The following HEXB variants were observed in gnomAD, a reference collection of about 807,000 sequenced individuals.
HEXB encodes hexosaminidase subunit beta.
Under a neutral mutation model 71.2 loss-of-function variants are expected in HEXB, and 51 were observed. The observed-to-expected ratio is 0.72, with a 90% CI of 0.57 to 0.90. The LOEUF (loss-of-function observed/expected upper bound fraction) is 0.90. Ranked by LOEUF, HEXB falls within the 40% of genes least tolerant of loss-of-function variation. The pLI, the probability that HEXB is intolerant of heterozygous loss-of-function variation, is 0.00. For missense variants in HEXB, 617 were observed against 677.0 expected, an observed-to-expected ratio of 0.91 and a Z score of 0.98; for synonymous variants, 266 against 249.3, an observed-to-expected ratio of 1.07 and a Z score of -0.63.
chr5:74,685,383 G>C lies in HEXB; in HGVS notation c.123G>C (p.Glu41Asp). 1 of 1,592,066 alleles carries C rather than the reference G, an allele frequency of 6.3e-7. No homozygotes were observed. Among genetic ancestry groups the C allele is most frequent in the Non-Finnish European group, 8.5e-7 (1 of 1,171,098 alleles). Residue 41 changes from glutamate (E) to aspartate (D), a missense_variant, in exon 1 of 14, where the codon GAG (glutamate) becomes GAC (aspartate). Glu to Asp is a conservative substitution (Grantham distance 45). Coordinates refer to ENST00000261416, the MANE Select transcript of HEXB (RefSeq NM_000521.4). ...TGGCGCTGGTGGTGCAGGTGGCGGA[G>C]GCGGCTCGGGCCCCGAGCGTCTCGG... ...TQVALVVQVAEAARAPSVSAK... is the reference protein window; with the variant it reads ...TQVALVVQVADAARAPSVSAK...
intron 1 of HEXB, among the ~76,000 whole-genome samples, chr5:74,647,115 T>C (rs1748016378): frequency 6.6e-6 from 1 of 152,212 alleles, no homozygotes; most frequent in Non-Finnish European, 1.5e-5. Flanking sequence ...GGTGTGGCTT[T>C]GCACAACCCA....
chr5:74,680,876 T>A (rs183646659), upstream of HEXB, among the ~76,000 whole-genome samples: 1 of 152,334 alleles, frequency 6.6e-6, no homozygotes, highest in East Asian at 1.9e-4. Context: ...TGGTGTTACA[T>A]GTTTAGAAAG....
chr5:74,720,266 C>A, intron 11 of HEXB, 162 bp from the exon 12 acceptor site: 1 of 661,658 alleles, frequency 1.5e-6, no homozygotes, highest in South Asian at 1.7e-5. Context: ...GAGGAGGGGC[C>A]ATCTTTTTTG....
chr5:74,659,459 G>C (rs1345623570), intron 1 of HEXB, among the ~76,000 whole-genome samples: 1 of 152,174 alleles, frequency 6.6e-6, no homozygotes, highest in African/African-American at 2.4e-5. Context: ...TGATAGCGGG[G>C]AAGCCACAGG....
At chr5:74,664,041 AGGTCAGGAGTTTGTGACCAG>A (rs758318481) in intron 1 of HEXB, among the ~76,000 whole-genome samples, 11 of 152,118 alleles carry the variant, frequency 7.2e-5, no homozygotes, top group Non-Finnish European at 1.3e-4. Context: ...GGATCACCTG[AGGTCAGGAGTTTGTGACCAG>A]GCTGACTAAC....
intron 1 of HEXB, among the ~76,000 whole-genome samples, chr5:74,646,056 G>A (rs966132179): frequency 6.6e-6 from 1 of 151,860 alleles, no homozygotes; most frequent in African/African-American, 2.4e-5. Flanking sequence ...GGCAAGTATG[G>A]CAATATCTCG....
chr5:74,700,001 C>CTTTTTTTT (rs58177670), intron 5 of HEXB, among the ~76,000 whole-genome samples: 2 of 40,366 alleles, frequency 5.0e-5, no homozygotes, highest in Non-Finnish European at 8.7e-5. Context: ...TGTAAGTTTC[C>CTTTTTTTT]TTTTTTTTTT....
At chr5:74,659,257 C>T (rs551926158) in intron 1 of HEXB, among the ~76,000 whole-genome samples, 5 of 152,274 alleles carry the variant, frequency 3.3e-5, no homozygotes, top group South Asian at 2.1e-4. Flanking sequence ...GACCTCACAG[C>T]GTTCATGGCA....
Position 74,688,380 on chromosome 5 carries a change from G to T in HEXB, c.300-948G>T, listed in dbSNP as rs1480424478. On this transcript the variant is annotated intron_variant, in intron 1 of 13. Transcript: ENST00000261416. ...GGAGTCTCGTTCTGTCACCCAGGCT[G>T]GAGTGCAGTGGTGCGATCTTGGCTC... Among the ~76,000 whole-genome samples, 2 of 148,570 alleles carry T rather than the reference G, an allele frequency of 1.3e-5. 1 individual carries two copies. Among genetic ancestry groups the T allele is most frequent in the Admixed American group, 1.4e-4 (2 of 14,790 alleles).
chr5:74,704,216 G>A (rs1749326539), intron 5 of HEXB, among the ~76,000 whole-genome samples: 1 of 152,104 alleles, frequency 6.6e-6, no homozygotes, highest in South Asian at 2.1e-4. Flanking sequence ...TTCTCTGAGA[G>A]TGAAAACCCT....
intron 3 of HEXB, 31 bp downstream of exon 3, chr5:74,693,735 C>G (rs369091570): frequency 6.5e-7 from 1 of 1,542,088 alleles, no homozygotes; most frequent in African/African-American, 1.4e-5. Flanking sequence ...TTGTTACTTT[C>G]CAGTAAAGGA....
At position 74,656,075 on chromosome 5, in the gene HEXB, G is replaced by C. The variant is rs541670312; in HGVS notation, c.-377+15517G>C. On this transcript the variant is annotated intron_variant, in intron 1 of 13. Transcript: ENST00000511181. Reference sequence around the variant, plus strand: ...CAAAAATGAATCCTGAATAAAGCTGGGCCACCTTGGGGTTGGTCTCAGCTG... The same window carrying C: ...CAAAAATGAATCCTGAATAAAGCTGCGCCACCTTGGGGTTGGTCTCAGCTG... Among the ~76,000 whole-genome samples the C allele has an allele frequency of 2.1e-4, 32 of 152,204 alleles. 2 individuals are homozygous for C. The South Asian group carries it at 6.6e-3, about 32-fold the overall frequency.
At chr5:74,644,631 AG>A (rs1747966962) in intron 1 of HEXB, among the ~76,000 whole-genome samples, 1 of 152,166 alleles carries the variant, frequency 6.6e-6, no homozygotes, top group South Asian at 2.1e-4. Context: ...TGTCTGGGGA[AG>A]ACAAAGGGTC....
At chr5:74,677,490 C>CTTTTTTTTTTTTTTTTTTTTTTTT (rs566302720) in intron 1 of HEXB, among the ~76,000 whole-genome samples, 2 of 77,276 alleles carry the variant, frequency 2.6e-5, no homozygotes, top group African/African-American at 4.3e-5. Flanking sequence ...TCTTCTTCTT[C>CTTTTTTTTTTTTTTTTTTTTTTTT]TTTTTTTTTT....
intron 3 of HEXB, 42 bp from the exon 4 acceptor site, chr5:74,696,651 T>G: frequency 9.7e-7 from 1 of 1,032,126 alleles, no homozygotes; most frequent in Non-Finnish European, 1.5e-6. Flanking sequence ...CATCTCAATT[T>G]GTTGATTTAT....
chr5:74,698,584 G>T (rs1239818432), intron 5 of HEXB, among the ~76,000 whole-genome samples: 2 of 150,856 alleles, frequency 1.3e-5, no homozygotes, highest in Admixed American at 1.3e-4. Context: ...TAGAGACAGG[G>T]TTTCACCATG....
intron 3 of HEXB, among the ~76,000 whole-genome samples, chr5:74,695,120 T>TTTATGTATAATA (rs1749083027): frequency 6.6e-6 from 1 of 152,024 alleles, no homozygotes; most frequent in Non-Finnish European, 1.5e-5. Flanking sequence ...TGTAATTTTA[T>TTTATGTATAATA]TTATGTATAA....
chr5:74,698,270 T>C lies in HEXB; in HGVS notation c.669+1164T>C, dbSNP rs577732102. The stretch of plus-strand genomic sequence containing the variant: ...TTTTGCATTTTTAGTAGAGACGGGG[T>C]TTCTCCATGTTGAGGCTGGTCTCGA... On this transcript the variant is annotated intron_variant, in intron 5 of 13. Transcript: ENST00000261416. Among the ~76,000 whole-genome samples the C allele has an allele frequency of 4.5e-4, 68 of 149,482 alleles. 1 individual carries two copies. The South Asian group carries it at 0.014, about 31-fold the overall frequency.
intron 1 of HEXB, among the ~76,000 whole-genome samples, chr5:74,651,431 C>A (rs1224516979): frequency 1.3e-5 from 2 of 152,186 alleles, no homozygotes; most frequent in Non-Finnish European, 2.9e-5. Flanking sequence ...CAAAATTATG[C>A]CCTTTGTTCT....
Sources: allele counts gnomAD v4.1 joint callset (sites outside exome capture counted in the v4.1 genomes callset), GRCh38; gene constraint gnomAD v4.1.1; transcripts MANE v1.5; gene names NCBI Gene and HGNC (gene_info 2026-07-23, HGNC 2026-07-21).